Variants in ZNF221 observed in about 807,000 individuals in gnomAD.
ZNF221 encodes zinc finger protein 221.
A neutral mutation model predicts 12.6 loss-of-function variants in ZNF221; 10 were observed. The observed-to-expected ratio is 0.79, with a 90% CI of 0.49 to 1.34. The LOEUF (loss-of-function observed/expected upper bound fraction) is 1.34. Among genes scored for constraint, ZNF221 ranks in the 40% most tolerant of loss-of-function variants. ZNF221 has a pLI of 0.00. For missense variants in ZNF221, 661 were observed against 721.4 expected (o/e 0.92, Z 0.96); for synonymous variants, 232 against 244.0 (o/e 0.95, Z 0.46).
At position 43,965,921 on chromosome 19, in the gene ZNF221, T is replaced by C. The variant is rs775627690; in HGVS notation, c.419T>C (p.Ile140Thr). ...ASDLTRSQNS[I>T]RNSSQFFKEG... ...GACCTAACCAGGTCTCAAAACTCCA[T>C]AAGGAACAGCTCTCAGTTCTTCAAA... Residue 140 changes from isoleucine to threonine, a missense_variant, in exon 5 of 5, where the codon ATA (isoleucine) becomes ACA (threonine). By Grantham distance (89) the Ile-to-Thr change is moderately conservative. Transcript: ENST00000587682. 18 of 1,614,084 alleles carry C rather than the reference T, an allele frequency of 1.1e-5. No individual in the cohort carries two copies. Among genetic ancestry groups the C allele is most frequent in the Non-Finnish European group, 1.4e-5 (17 of 1,180,040 alleles).
chr19:43,966,241 G>A lies in ZNF221; in HGVS notation c.739G>A (p.Val247Ile). 1 of 1,614,248 alleles carries A rather than the reference G, an allele frequency of 6.2e-7. No homozygotes were observed. Among genetic ancestry groups the A allele is most frequent in the Admixed American group, 1.7e-5 (1 of 60,036 alleles). The stretch of plus-strand genomic sequence containing the variant: ...CTCACATCTGCAAACTCATCAGAGA[G>A]TCCATACTGGAGAGAAACCATTCAA... ...QSSHLQTHQR[V>I]HTGEKPFKCG... The change falls in exon 5 of 5, where the codon GTC becomes ATC. Residue 247 changes from valine to isoleucine, a missense_variant. Val to Ile is a conservative substitution (Grantham distance 29, BLOSUM62 3). Coordinates refer to ENST00000587682, the MANE Select transcript of ZNF221 (RefSeq NM_001297588.2).
chr19:43,968,746 G>A (rs1975031695), downstream of ZNF221, among the ~76,000 whole-genome samples: 1 of 152,192 alleles, frequency 6.6e-6, no homozygotes, highest in Admixed American at 6.5e-5. Context: ...GAAAAGTAGG[G>A]TGGAGTTATG....
chr19:43,959,382 G>A (rs569597353), intron 1 of ZNF221, among the ~76,000 whole-genome samples: 4 of 152,262 alleles, frequency 2.6e-5, no homozygotes, highest in South Asian at 4.1e-4. Context: ...ACTAAAATTC[G>A]AACTTGGTCA....
chr19:43,957,149 A>G (rs1008648704), intron 1 of ZNF221, among the ~76,000 whole-genome samples: 1 of 152,140 alleles, frequency 6.6e-6, no homozygotes, highest in Admixed American at 6.5e-5. Flanking sequence ...ACAGTTCGTT[A>G]TATATGGATA....
chr19:43,978,933 G>GTT, the ZNF221 span, among the ~76,000 whole-genome samples: 17 of 141,952 alleles, frequency 1.2e-4, no homozygotes, highest in African/African-American at 4.2e-4. Flanking sequence ...GTGTGTGTGT[G>GTT]TTTTTTTTTT....
intron 2 of ZNF221, among the ~76,000 whole-genome samples, chr19:43,963,446 A>G (rs1481263643): frequency 6.6e-6 from 1 of 152,212 alleles, no homozygotes; most frequent in East Asian, 1.9e-4. Flanking sequence ...GCTACTTCCC[A>G]CAAATATTGT....
Position 43,966,049 on chromosome 19 carries a change from T to A in ZNF221, c.547T>A (p.Ser183Thr). The change falls in exon 5 of 5, where the codon TCT becomes ACT. Residue 183 changes from serine to threonine, a missense_variant. Physicochemically the swap from Ser to Thr is moderately conservative, Grantham distance 58 (BLOSUM62 1). Coordinates refer to ENST00000587682, the MANE Select transcript of ZNF221 (RefSeq NM_001297588.2). ...ATGTAAACAGTCCTTCAGTGATGTT[T>A]CTGTCTTTGATCTTCATCAACAATC... ...NECKQSFSDVSVFDLHQQSHS... is the reference protein window; with the variant it reads ...NECKQSFSDVTVFDLHQQSHS... 1 of 1,614,224 alleles carries A rather than the reference T, an allele frequency of 6.2e-7. No individual in the cohort carries two copies.
downstream of ZNF221, among the ~76,000 whole-genome samples, chr19:43,971,787 G>A (rs2147350624): frequency 6.6e-6 from 1 of 152,258 alleles, no homozygotes; most frequent in African/African-American, 2.4e-5. Context: ...CCTACAAAGA[G>A]ACTTAGACTC....
chr19:43,962,996 T>G (rs1353216562), intron 2 of ZNF221, among the ~76,000 whole-genome samples, 189 bp downstream of exon 2: 1 of 152,224 alleles, frequency 6.6e-6, no homozygotes, highest in East Asian at 1.9e-4. Flanking sequence ...CTTACATAAT[T>G]TCTTTTCTGT....
chr19:43,976,314 G>C, the ZNF221 span, among the ~76,000 whole-genome samples: 1 of 151,974 alleles, frequency 6.6e-6, no homozygotes, highest in South Asian at 2.1e-4. Flanking sequence ...GAGGCAGGTG[G>C]ATCACTTGAG....
At chr19:43,953,765 C>T (rs940307358) in intron 1 of ZNF221, among the ~76,000 whole-genome samples, 2 of 152,088 alleles carry the variant, frequency 1.3e-5, no homozygotes, top group African/African-American at 4.8e-5. Context: ...CATCTTTGAA[C>T]CCAGATCCTC....
rs1375381954 is a variant in ZNF221, at chr19:43,962,648, T to A, written c.-2-77T>A. 2 of 1,381,890 alleles carry A rather than the reference T, an allele frequency of 1.4e-6. 1 individual carries two copies. The allele number at this position is 1,381,890 out of a possible 1,614,324, so 85.6% of individuals were successfully genotyped here. On this transcript the variant is annotated intron_variant, in intron 1 of 4. Coordinates refer to ENST00000587682, the MANE Select transcript of ZNF221 (RefSeq NM_001297588.2). Reference sequence around the variant, plus strand: ...TGAACATTCATGTGCTAATTGAAAATACTTGTCTATGTTGGTGGTCGGCAT... The same window carrying A: ...TGAACATTCATGTGCTAATTGAAAAAACTTGTCTATGTTGGTGGTCGGCAT...
At chr19:43,962,613 A>T in intron 1 of ZNF221, 112 bp from the exon 2 acceptor site, 1 of 1,046,826 alleles carries the variant, frequency 9.6e-7, no homozygotes, top group Non-Finnish European at 1.5e-6. Context: ...GGTTATGAGT[A>T]ATGCTGCTAT....
chr19:43,957,568 G>A (rs1212403122), intron 1 of ZNF221, among the ~76,000 whole-genome samples: 1 of 152,134 alleles, frequency 6.6e-6, no homozygotes, highest in African/African-American at 2.4e-5. Flanking sequence ...CACCCTGTTG[G>A]AATGAGTCCC....
downstream of ZNF221, among the ~76,000 whole-genome samples, chr19:43,969,191 G>C (rs1052552346): frequency 6.6e-6 from 1 of 152,146 alleles, no homozygotes; most frequent in Non-Finnish European, 1.5e-5. Context: ...TCCTGTGGGG[G>C]AAGGCTGGCC....
downstream of ZNF221, among the ~76,000 whole-genome samples, chr19:43,971,984 AAATTGATCACAT>A (rs1388328203): frequency 2.0e-5 from 3 of 152,214 alleles, no homozygotes; most frequent in African/African-American, 7.2e-5. Context: ...TGGCTCTTAA[AAATTGATCACAT>A]AATCGGAAGT....
chr19:43,980,986 G>A, the ZNF221 span, among the ~76,000 whole-genome samples: 1 of 152,064 alleles, frequency 6.6e-6, no homozygotes, highest in African/African-American at 2.4e-5. Flanking sequence ...GCCCTAGTTA[G>A]TAAATCAGCA....
chr19:43,977,294 T>C, the ZNF221 span: 1 of 152,248 alleles, frequency 6.6e-6, no homozygotes, highest in African/African-American at 2.4e-5. Flanking sequence ...AAAGCAGTTA[T>C]GTGATGAAAA....
chr19:43,963,460 T>C (rs1303444780), intron 2 of ZNF221, among the ~76,000 whole-genome samples: 1 of 152,226 alleles, frequency 6.6e-6, no homozygotes, highest in African/African-American at 2.4e-5. Flanking sequence ...ATATTGTTGT[T>C]GGAGTTTTCA....
Sources: allele counts gnomAD v4.1 joint callset (sites outside exome capture counted in the v4.1 genomes callset), GRCh38; gene constraint gnomAD v4.1.1; transcripts MANE v1.5; gene names NCBI Gene and HGNC (gene_info 2026-07-23, HGNC 2026-07-21).